The following CPZ variants were observed in gnomAD, a reference collection of about 807,000 sequenced individuals.
CPZ encodes VEZT/CPZ fusion.
A neutral mutation model predicts 61.8 loss-of-function variants in CPZ; 103 were observed. That is an observed-to-expected ratio of 1.67 (90% CI 1.42 to 1.96). The LOEUF (loss-of-function observed/expected upper bound fraction) is 1.96, where lower values mean the gene tolerates loss of function less well. Ranked by LOEUF, CPZ falls within the 30% of genes most tolerant of loss-of-function variation. The pLI is 0.00. For missense variants in CPZ, 1,461 were observed against 914.9 expected (o/e 1.60, Z -7.70); for synonymous variants, 551 against 373.7 (o/e 1.47, Z -5.47).
At position 8,607,331 on chromosome 4, in the gene CPZ, G is replaced by A; in HGVS notation, c.1133G>A (p.Ser378Asn). ...ACCATACCCTTTGTGCTCTCAGCCA[G>A]CCTTCATGGGGGCGACCTGGTGGTG... Reference protein sequence around the residue: ...MQTIPFVLSASLHGGDLVVSY... With the variant: ...MQTIPFVLSANLHGGDLVVSY... The change falls in exon 7 of 11, where the codon AGC becomes AAC. Residue 378 changes from serine (S) to asparagine (N), a missense_variant. Coordinates refer to ENST00000360986, the MANE Select transcript of CPZ (RefSeq NM_001014447.3). The A allele has an allele frequency of 6.2e-7, 1 of 1,614,150 alleles. No individual in the cohort carries two copies. The highest frequency in any genetic ancestry group is 8.5e-7 in the Non-Finnish European group (1 of 1,179,988).
chr4:8,616,014 C>G (rs915392493), intron 9 of CPZ, among the ~76,000 whole-genome samples: 1 of 152,208 alleles, frequency 6.6e-6, no homozygotes, highest in East Asian at 1.9e-4. Context: ...CATTTTGCGG[C>G]TGTCTGATGA....
rs768769680 is a variant in CPZ at position 8,599,500 on chromosome 4, C to T, written c.121+15C>T. On this transcript the variant is annotated intron_variant, in intron 2 of 10. Transcript: ENST00000360986. ...TGCAGACAGCGGTACAGTACCGGGA[C>T]CTCCCTGGCTTCTGTTCTGTAGGAG... 9.9e-6 allele frequency: 16 copies of T among 1,613,644 alleles called. No individual in the cohort carries two copies. Among genetic ancestry groups the T allele is most frequent in the Non-Finnish European group, 1.4e-5 (16 of 1,179,788 alleles).
intron 7 of CPZ, chr4:8,611,188 C>G (rs1348450959): frequency 2.2e-6 from 1 of 455,372 alleles, no homozygotes; most frequent in Non-Finnish European, 4.4e-6. Flanking sequence ...CAGCACAGAC[C>G]TGTCCTGCTT....
chr4:8,603,195 C>CT (rs1373507774), intron 3 of CPZ: 1 of 152,340 alleles, frequency 6.6e-6, no homozygotes, highest in African/African-American at 2.4e-5. Flanking sequence ...CAGGAACAGC[C>CT]TGCGGGCACC....
chr4:8,606,597 C>T lies in CPZ; in HGVS notation c.907-140C>T, dbSNP rs1018007452. On this transcript the variant is annotated intron_variant, in intron 5 of 10. Transcript: ENST00000360986. Reference sequence around the variant, plus strand: ...GGTGGAGAGGAGGCCAAGGGTCAGGCATGCCCCCGAGCTCATCACATAAAG... The same window carrying T: ...GGTGGAGAGGAGGCCAAGGGTCAGGTATGCCCCCGAGCTCATCACATAAAG... 3.7e-6 allele frequency: 4 copies of T among 1,071,060 alleles called. No homozygotes were observed. In the African/African-American group the frequency reaches 6.2e-5, roughly 17 times the overall value. The allele number at this position is 1,071,060 out of a possible 1,614,324, so 66.3% of individuals were successfully genotyped here.
At chr4:8,618,081 G>A (rs547380830) in intron 9 of CPZ, 9 of 310,896 alleles carry the variant, frequency 2.9e-5, no homozygotes, top group East Asian at 2.5e-4. Context: ...GAGTCCCGCT[G>A]GGGCTGGGAA....
At chr4:8,619,165 C>T in intron 10 of CPZ, 97 bp from the exon 11 acceptor site, 3 of 1,081,382 alleles carry the variant, frequency 2.8e-6, no homozygotes, top group Non-Finnish European at 4.0e-6. Context: ...GCGCCTGCCT[C>T]CCATGCTAAC....
At chr4:8,612,207 A>ACCGGG in intron 8 of CPZ, 45 bp downstream of exon 8, 1 of 48,620 alleles carries the variant, frequency 2.1e-5, no homozygotes, top group African/African-American at 2.1e-4. Flanking sequence ...TGGGGGGTGC[A>ACCGGG]GGGGCTGGGT....
At chr4:8,616,154 AGACG>A (rs1219175123) in intron 9 of CPZ, among the ~76,000 whole-genome samples, 2 of 152,228 alleles carry the variant, frequency 1.3e-5, no homozygotes, top group Non-Finnish European at 2.9e-5. Context: ...CTGGCTCTTG[AGACG>A]GACGTCTTAC....
rs768016791 is a variant in CPZ at position 8,601,081 on chromosome 4, G to A, written c.122-42G>A. The A allele has an allele frequency of 3.9e-6, 6 of 1,528,028 alleles. No homozygotes were observed. In the Admixed American group the frequency reaches 5.9e-5, roughly 15 times the overall value. 94.7% of individuals were successfully genotyped at this position (1,528,028 alleles called of 1,614,324 possible). A position where few individuals can be genotyped will look rare whatever the true frequency, so the allele number is the denominator to read the frequency against. On this transcript the variant is annotated intron_variant, in intron 2 of 10. Coordinates refer to ENST00000360986, the MANE Select transcript of CPZ (RefSeq NM_001014447.3). Reference sequence around the variant, plus strand: ...AAATGTCTGATGCGTGACGGTCAGGGCCACTGCAGGAGGGACTGACCTGCC... The same window carrying A: ...AAATGTCTGATGCGTGACGGTCAGGACCACTGCAGGAGGGACTGACCTGCC...
intron 1 of CPZ, among the ~76,000 whole-genome samples, chr4:8,594,303 C>A (rs2109308515): frequency 6.6e-6 from 1 of 152,358 alleles, no homozygotes; most frequent in African/African-American, 2.4e-5. Flanking sequence ...AGGTCCCCCA[C>A]CCCGGGCTGC....
chr4:8,607,094 G>A (rs1450366201), intron 6 of CPZ, among the ~76,000 whole-genome samples, 173 bp from the exon 7 acceptor site: 2 of 152,202 alleles, frequency 1.3e-5, no homozygotes, highest in African/African-American at 2.4e-5. Flanking sequence ...TGTTGGAAAC[G>A]CCTAGATCCC....
At chr4:8,593,179 C>CG (rs1214664372) in intron 1 of CPZ, among the ~76,000 whole-genome samples, 1 of 152,164 alleles carries the variant, frequency 6.6e-6, no homozygotes. Flanking sequence ...ACGCCTGGGC[C>CG]GGGGGGTGAG....
At chr4:8,606,691 TG>T (rs1560295341) in intron 5 of CPZ, 45 bp from the exon 6 acceptor site, 1 of 1,610,580 alleles carries the variant, frequency 6.2e-7, no homozygotes, top group Non-Finnish European at 8.5e-7. Context: ...AGGAGGAGGG[TG>T]GGGTGTGCTG....
intron 1 of CPZ, among the ~76,000 whole-genome samples, chr4:8,595,201 A>C (rs1018335929): frequency 6.6e-6 from 1 of 152,224 alleles, no homozygotes; most frequent in Non-Finnish European, 1.5e-5. Flanking sequence ...CACACATCGC[A>C]CACATTGGTT....
intron 7 of CPZ, among the ~76,000 whole-genome samples, chr4:8,609,626 C>T (rs573116333): frequency 6.6e-6 from 1 of 152,208 alleles, no homozygotes; most frequent in Non-Finnish European, 1.5e-5. Flanking sequence ...CCCAGTGTGT[C>T]TCAGCCTCAG....
chr4:8,603,845 A>T, intron 3 of CPZ, 131 bp from the exon 4 acceptor site: 2 of 768,792 alleles, frequency 2.6e-6, no homozygotes, highest in African/African-American at 1.7e-5. Context: ...AACTCTAATT[A>T]AAGATAGAGA....
chr4:8,607,563 C>A, intron 7 of CPZ, 138 bp downstream of exon 7: 1 of 962,546 alleles, frequency 1.0e-6, no homozygotes, highest in Non-Finnish European at 1.5e-6. Flanking sequence ...GCACCACCTG[C>A]TCCAGGCCCA....
intron 3 of CPZ, 94 bp from the exon 4 acceptor site, chr4:8,603,882 G>A: frequency 9.6e-7 from 1 of 1,040,432 alleles, no homozygotes; most frequent in South Asian, 1.3e-5. Flanking sequence ...TCGTGCAGAG[G>A]GGACTAAGGG....
Sources: allele counts gnomAD v4.1 joint callset (sites outside exome capture counted in the v4.1 genomes callset), GRCh38; gene constraint gnomAD v4.1.1; transcripts MANE v1.5; gene names NCBI Gene and HGNC (gene_info 2026-07-23, HGNC 2026-07-21).